The following ITGA9 variants were observed in gnomAD, a reference collection of about 807,000 sequenced individuals.
The protein encoded by ITGA9 is integrin subunit alpha 9.
In ITGA9, 56 loss-of-function variants were observed where a neutral mutation model predicts 127.8. The observed-to-expected ratio is 0.44, with a 90% CI of 0.35 to 0.55. The LOEUF is 0.55. ITGA9 is among the 20% of genes least tolerant of loss of function. The pLI, the probability that ITGA9 is intolerant of heterozygous loss-of-function variation, is 0.00. For missense variants in ITGA9, 1,196 were observed against 1,347.1 expected, an observed-to-expected ratio of 0.89 and a Z score of 1.76; for synonymous variants, 508 against 514.5, an observed-to-expected ratio of 0.99 and a Z score of 0.17.
At chr3:37,481,135 C>T (rs1226899511) in intron 3 of ITGA9, among the ~76,000 whole-genome samples, 1 of 152,172 alleles carries the variant, frequency 6.6e-6, no homozygotes, top group Non-Finnish European at 1.5e-5. Context: ...TCCCAGAACC[C>T]TCTTCCCCTC....
intron 1 of ITGA9, among the ~76,000 whole-genome samples, chr3:37,457,590 T>G (rs714303): frequency 3.6e-3 from 547 of 151,840 alleles, no homozygotes; most frequent in African/African-American, 0.013. Context: ...CGCTTCCTCA[T>G]TTGAATTTTT....
chr3:37,818,925 T>C lies in ITGA9; in HGVS notation c.3044T>C (p.Ile1015Thr). Residue 1015 changes from isoleucine to threonine, a missense_variant, in exon 28 of 28, where the codon ATC becomes ACC. Coordinates refer to ENST00000264741, the MANE Select transcript of ITGA9 (RefSeq NM_002207.3). ...TTTCGCCGAAGGTACAAAGAAATTA[T>C]CGAAGCTGAGAAGAACCGGAAAGAG... ...GFFRRRYKEI[I>T]EAEKNRKENE... is the part of the protein sequence containing the mutation. 3 of 1,614,184 alleles carry C rather than the reference T, an allele frequency of 1.9e-6. No individual in the cohort carries two copies. Among genetic ancestry groups the C allele is most frequent in the African/African-American group, 2.7e-5 (2 of 75,054 alleles).
intron 16 of ITGA9, among the ~76,000 whole-genome samples, chr3:37,642,876 TA>T (rs1700346008): frequency 1.3e-5 from 2 of 152,250 alleles, no homozygotes; most frequent in Non-Finnish European, 2.9e-5. Flanking sequence ...TAGCTCATGC[TA>T]TGGAAATCCA....
chr3:37,553,001 C>G (rs1383477330), intron 15 of ITGA9, among the ~76,000 whole-genome samples: 1 of 131,296 alleles, frequency 7.6e-6, no homozygotes, highest in Non-Finnish European at 1.6e-5. Context: ...GGAGACCGAG[C>G]AAGACTCCAT....
At position 37,819,281 on chromosome 3, in the gene ITGA9, A is replaced by G; in HGVS notation, c.*292A>G. The stretch of plus-strand genomic sequence containing the variant: ...ACGCATGGTCAACCCTCAGGGGAAA[A>G]CTGTTACCTAAAGTATTTTTATAAA... On this transcript the variant is annotated 3_prime_UTR_variant, in exon 28 of 28. Transcript: ENST00000264741. The G allele has an allele frequency of 2.2e-6, 1 of 460,542 alleles. No homozygotes were observed. The highest frequency in any genetic ancestry group is 3.9e-6 in the Non-Finnish European group (1 of 255,232). 28.5% of individuals were successfully genotyped at this position (460,542 alleles called of 1,614,324 possible). A position where few individuals can be genotyped will look rare whatever the true frequency, so the allele number is the denominator to read the frequency against.
chr3:37,796,972 G>A (rs904625649), intron 26 of ITGA9, among the ~76,000 whole-genome samples: 1 of 152,098 alleles, frequency 6.6e-6, no homozygotes, highest in Non-Finnish European at 1.5e-5. Flanking sequence ...ACTCTGTTTT[G>A]TTGGAGCCAT....
At chr3:37,649,491 C>A (rs1025663009) in intron 16 of ITGA9, among the ~76,000 whole-genome samples, 9 of 152,132 alleles carry the variant, frequency 5.9e-5, no homozygotes, top group African/African-American at 2.2e-4. Context: ...AAGGTCATTT[C>A]TTAATGACAA....
At chr3:37,650,725 C>T (rs1367447328) in intron 16 of ITGA9, among the ~76,000 whole-genome samples, 6 of 152,190 alleles carry the variant, frequency 3.9e-5, no homozygotes, top group Admixed American at 3.9e-4. Context: ...GCCACCATGC[C>T]TGGCCCCACC....
At chr3:37,735,710 T>C (rs1202630706) in intron 19 of ITGA9, among the ~76,000 whole-genome samples, 2 of 152,154 alleles carry the variant, frequency 1.3e-5, no homozygotes, top group Non-Finnish European at 1.5e-5. Context: ...ATGCCTGACA[T>C]GTATATGGTG....
At chr3:37,748,185 T>A (rs1415607277) in intron 22 of ITGA9, 1 of 461,472 alleles carries the variant, frequency 2.2e-6, no homozygotes, top group Non-Finnish European at 4.2e-6. Context: ...ATGGAGTTGT[T>A]TTTTTGGCCA....
intron 17 of ITGA9, among the ~76,000 whole-genome samples, chr3:37,675,846 C>G (rs1400729621): frequency 1.3e-5 from 2 of 150,432 alleles, no homozygotes; most frequent in Non-Finnish European, 2.9e-5. Flanking sequence ...CGGGTTCCAG[C>G]CATTCTCCTG....
intron 27 of ITGA9, among the ~76,000 whole-genome samples, chr3:37,816,420 G>T (rs998096572): frequency 2.0e-5 from 3 of 152,148 alleles, no homozygotes; most frequent in African/African-American, 7.2e-5. Flanking sequence ...CTATTTCCCT[G>T]TTACATCCTT....
intron 13 of ITGA9, among the ~76,000 whole-genome samples, chr3:37,530,874 C>A (rs938917168): frequency 1.3e-5 from 2 of 151,482 alleles, no homozygotes; most frequent in African/African-American, 4.9e-5. Flanking sequence ...GCCTCAGCCT[C>A]CCAAGTAGCT....
Position 37,822,429 on chromosome 3 carries a change from A to C in ITGA9, c.*3440A>C, listed in dbSNP as rs1377405322. On this transcript the variant is annotated 3_prime_UTR_variant, in exon 28 of 28. Transcript: ENST00000264741. The stretch of plus-strand genomic sequence containing the variant: ...AGAAGAGGCCATGATGTTTAGAAAC[A>C]AGGGGACACTAGCAGGAGGGGCAGG... 2 of 152,240 alleles carry C rather than the reference A, an allele frequency of 1.3e-5. No homozygotes were observed. The highest frequency in any genetic ancestry group is 2.9e-5 in the Non-Finnish European group (2 of 68,060). 9.4% of individuals were successfully genotyped at this position (152,240 alleles called of 1,614,324 possible). A position where few individuals can be genotyped will look rare whatever the true frequency, so the allele number is the denominator to read the frequency against.
intron 16 of ITGA9, among the ~76,000 whole-genome samples, chr3:37,644,767 T>G (rs1341522525): frequency 6.6e-6 from 1 of 152,182 alleles, no homozygotes; most frequent in Non-Finnish European, 1.5e-5. Flanking sequence ...TATCCTTCCA[T>G]GGTTTCAAAA....
intron 25 of ITGA9, among the ~76,000 whole-genome samples, chr3:37,782,092 A>G (rs1310242666): frequency 1.3e-5 from 2 of 152,208 alleles, no homozygotes; most frequent in East Asian, 3.8e-4. Context: ...GGAAAACCCC[A>G]CGTCTGGAGA....
chr3:37,677,779 A>C (rs1055656824), intron 17 of ITGA9, among the ~76,000 whole-genome samples: 1 of 152,110 alleles, frequency 6.6e-6, no homozygotes, highest in Non-Finnish European at 1.5e-5. Context: ...GTCAAATTCC[A>C]TGTCTGATTT....
At chr3:37,585,556 G>A (rs1699749717) in intron 15 of ITGA9, 2 of 503,074 alleles carry the variant, frequency 4.0e-6, no homozygotes, top group Non-Finnish European at 4.0e-6. Flanking sequence ...ATTCTTTCAA[G>A]TACAACATTT....
At chr3:37,510,514 T>C (rs941228950) in intron 8 of ITGA9, among the ~76,000 whole-genome samples, 2 of 152,180 alleles carry the variant, frequency 1.3e-5, no homozygotes, top group East Asian at 3.9e-4. Context: ...GATGAGAACC[T>C]ATGCTCAAGT....
Sources: allele counts gnomAD v4.1 joint callset (sites outside exome capture counted in the v4.1 genomes callset), GRCh38; gene constraint gnomAD v4.1.1; transcripts MANE v1.5; gene names NCBI Gene and HGNC (gene_info 2026-07-23, HGNC 2026-07-21).